Variants in SV2C observed in about 807,000 individuals in gnomAD.
The protein encoded by SV2C is synaptic vesicle glycoprotein 2C.
Under a neutral mutation model 79.7 loss-of-function variants are expected in SV2C, and 49 were observed. The ratio of observed to expected loss-of-function variants is 0.61; its 90% CI spans 0.49 to 0.78. SV2C has a LOEUF of 0.78. Ranked by LOEUF, SV2C falls within the 30% of genes least tolerant of loss-of-function variation. The probability of loss-of-function intolerance (pLI) is 0.00; values close to 1 mark genes in which losing one functional copy is unlikely to be tolerated. For synonymous variants in SV2C, 334 were observed against 333.2 expected, an observed-to-expected ratio of 1.00 and a Z score of -0.03; for missense variants, 833 against 912.9, an observed-to-expected ratio of 0.91 and a Z score of 1.13.
the SV2C span, among the ~76,000 whole-genome samples, chr5:76,053,175 G>A: frequency 6.6e-6 from 1 of 150,576 alleles, no homozygotes; most frequent in Admixed American, 6.6e-5. Flanking sequence ...TCTAAAATCT[G>A]TAACAAGCAT....
chr5:76,174,842 C>T (rs1169836119), intron 2 of SV2C, among the ~76,000 whole-genome samples: 2 of 152,350 alleles, frequency 1.3e-5, no homozygotes, highest in South Asian at 2.1e-4. Flanking sequence ...TCTAGCCCAA[C>T]GCTGATGCTG....
chr5:76,130,145 TAAAAAAAAAAAAA>T lies in SV2C; in HGVS notation c.-101-1482_-101-1470del, dbSNP rs375351450. Among the ~76,000 whole-genome samples, 35 of 67,836 alleles carry T rather than the reference TAAAAAAAAAAAAA, an allele frequency of 5.2e-4. 1 individual carries two copies. In the East Asian group the frequency reaches 5.7e-3, roughly 11 times the overall value. 44.5% of individuals were successfully genotyped at this position (67,836 alleles called of 152,430 possible). On this transcript the variant is annotated intron_variant, in intron 1 of 12. Transcript: ENST00000502798. ...CTCCCTTTCTCTTCCTCTCAGTTCT[TAAAAAAAAAAAAA>T]AAAAAAAAAAAAAAAAAAAAAAGAG...
At chr5:75,915,043 A>G in the SV2C span, among the ~76,000 whole-genome samples, 1 of 152,214 alleles carries the variant, frequency 6.6e-6, no homozygotes, top group African/African-American at 2.4e-5. Flanking sequence ...AGACTTACTC[A>G]CTATCACAAG....
chr5:76,348,119 T>A (rs1749577323), intron 12 of SV2C, among the ~76,000 whole-genome samples: 1 of 152,228 alleles, frequency 6.6e-6, no homozygotes, highest in Admixed American at 6.5e-5. Context: ...CACTGATCAT[T>A]TACTGTCTTC....
chr5:75,921,012 A>G, the SV2C span: 5 of 709,618 alleles, frequency 7.0e-6, no homozygotes, highest in Non-Finnish European at 1.3e-5. Context: ...TCCTCGCGGT[A>G]GTTCTCATCC....
rs369144645 is a variant in SV2C at position 76,295,775 on chromosome 5, C to A, written c.1338-3C>A. On this transcript the variant is annotated splice_polypyrimidine_tract_variant and splice_region_variant and intron_variant, in intron 8 of 12. Coordinates refer to ENST00000502798, the MANE Select transcript of SV2C (RefSeq NM_014979.4). ...ACAAACTCACATTTCTTTGTCTTTG[C>A]AGGTACTATGGATTATCCGTTTGGT... The A allele has an allele frequency of 6.2e-7, 1 of 1,602,506 alleles. No individual in the cohort carries two copies. The highest frequency in any genetic ancestry group is 8.5e-7 in the Non-Finnish European group (1 of 1,176,778).
At chr5:76,043,599 A>G in the SV2C span, among the ~76,000 whole-genome samples, 7,096 of 152,216 alleles carry the variant, frequency 0.047, 538 homozygotes, top group African/African-American at 0.16. Context: ...CACCTCATAC[A>G]CAAGTTAATG....
chr5:76,274,684 CTTT>C, intron 4 of SV2C, among the ~76,000 whole-genome samples: 1 of 139,618 alleles, frequency 7.2e-6, no homozygotes, highest in East Asian at 2.1e-4. Flanking sequence ...TTTTCTCCTT[CTTT>C]TTTTTTTTTT....
At chr5:75,882,732 C>T in the SV2C span, among the ~76,000 whole-genome samples, 2 of 151,764 alleles carry the variant, frequency 1.3e-5, no homozygotes, top group Non-Finnish European at 2.9e-5. Context: ...TTCCTTACAC[C>T]TTATACAAAA....
chr5:76,238,027 T>TACACACACACACACACACACACACAC, intron 4 of SV2C, among the ~76,000 whole-genome samples: 1 of 122,812 alleles, frequency 8.1e-6, no homozygotes, highest in Non-Finnish European at 1.9e-5. Context: ...CAATCACACA[T>TACACACACACACACACACACACACAC]ACACACACAC....
At chr5:76,251,523 C>T (rs1426301443) in intron 4 of SV2C, among the ~76,000 whole-genome samples, 1 of 152,140 alleles carries the variant, frequency 6.6e-6, no homozygotes, top group Non-Finnish European at 1.5e-5. Flanking sequence ...TGCCCTCCAG[C>T]CTGGACAACA....
intron 4 of SV2C, among the ~76,000 whole-genome samples, chr5:76,260,778 C>A (rs925632605): frequency 7.9e-5 from 12 of 152,112 alleles, no homozygotes; most frequent in African/African-American, 2.9e-4. Flanking sequence ...TTTCTGAGGC[C>A]TCTGTCCTGT....
chr5:76,133,376 A>G (rs1748967853), intron 2 of SV2C, among the ~76,000 whole-genome samples: 1 of 152,258 alleles, frequency 6.6e-6, no homozygotes, highest in Non-Finnish European at 1.5e-5. Flanking sequence ...AATTCTTGAA[A>G]ACTAGTAACT....
the SV2C span, among the ~76,000 whole-genome samples, chr5:75,869,537 G>T: frequency 6.6e-5 from 10 of 152,270 alleles, no homozygotes; most frequent in East Asian, 1.9e-3. Context: ...CTAGTGCCTG[G>T]CTCCTGGATG....
intron 4 of SV2C, among the ~76,000 whole-genome samples, chr5:76,223,757 T>C (rs1362476992): frequency 2.0e-5 from 3 of 152,036 alleles, no homozygotes; most frequent in Admixed American, 6.6e-5. Flanking sequence ...TGCATACCTG[T>C]CTTAATCTGC....
intron 4 of SV2C, among the ~76,000 whole-genome samples, chr5:76,282,612 G>C (rs1747231644): frequency 6.6e-6 from 1 of 152,232 alleles, no homozygotes; most frequent in Admixed American, 6.5e-5. Flanking sequence ...AATGCCTCAA[G>C]TGGCTCACAT....
intron 4 of SV2C, among the ~76,000 whole-genome samples, chr5:76,262,325 C>G (rs1378792707): frequency 6.6e-6 from 1 of 152,038 alleles, no homozygotes; most frequent in African/African-American, 2.4e-5. Flanking sequence ...ATTTTTCCCT[C>G]TTTTCTTCTT....
the SV2C span, among the ~76,000 whole-genome samples, chr5:75,942,700 C>A: frequency 6.6e-6 from 1 of 152,140 alleles, no homozygotes; most frequent in South Asian, 2.1e-4. Flanking sequence ...ATCATTATAT[C>A]ATCTTGAGTT....
upstream of SV2C, chr5:76,082,024 G>C (rs1006787143): frequency 6.6e-6 from 1 of 152,328 alleles, no homozygotes; most frequent in Admixed American, 6.5e-5. Flanking sequence ...TACACGGATG[G>C]AACACATTCG....
Sources: gnomAD v4.1 joint callset for allele counts (sites outside exome capture counted in the v4.1 genomes callset) on GRCh38, gnomAD v4.1.1 for gene constraint, MANE v1.5 for transcripts, NCBI Gene and HGNC (gene_info 2026-07-23, HGNC 2026-07-21) for gene names.